Variants in CDH8 observed in about 807,000 individuals in gnomAD.
The protein encoded by CDH8 is cadherin 8, also known as cadherin-8.
A neutral mutation model predicts 68.1 loss-of-function variants in CDH8; 17 were observed. The observed-to-expected ratio is 0.25, with a 90% CI of 0.17 to 0.37. The LOEUF (loss-of-function observed/expected upper bound fraction) is 0.37, where lower values mean the gene tolerates loss of function less well. Ranked by LOEUF, CDH8 falls within the 10% of genes least tolerant of loss-of-function variation. The pLI, the probability that CDH8 is intolerant of heterozygous loss-of-function variation, is 1.00. For synonymous variants in CDH8, 372 were observed against 365.1 expected (o/e 1.02, Z -0.21); for missense variants, 763 against 999.3 (o/e 0.76, Z 3.19).
Position 61,654,049 on chromosome 16 carries a change from A to C in CDH8, c.1959T>G (p.Ile653Met), listed in dbSNP as rs571223974. The C allele has an allele frequency of 1.9e-6, 3 of 1,614,132 alleles. No homozygotes were observed. Among genetic ancestry groups the C allele is most frequent in the African/African-American group, 1.3e-5 (1 of 75,036 alleles). Residue 653 changes from isoleucine to methionine, a missense_variant, in exon 12 of 12, where the codon ATT (isoleucine) becomes ATG (methionine). Physicochemically the swap from Ile to Met is conservative, Grantham distance 10. Around this residue, in one of 2 missense-constraint regions of CDH8, gnomAD observed 397 missense variants for 436.2 expected, o/e 0.91. Transcript: ENST00000577390. The part of the protein sequence containing the change: ...TLRRHKNEPL[I>M]IKDDEDVREN... Reference sequence around the variant, plus strand: ...CTCGAACGTCTTCATCATCTTTGATAATTAATGGTTCATTTTTATGCCGCC... The same window carrying C: ...CTCGAACGTCTTCATCATCTTTGATCATTAATGGTTCATTTTTATGCCGCC...
intron 10 of CDH8, among the ~76,000 whole-genome samples, chr16:61,672,151 T>C (rs1437243175): frequency 6.6e-6 from 1 of 152,062 alleles, no homozygotes; most frequent in African/African-American, 2.4e-5. Flanking sequence ...AATGGATGTG[T>C]GGTACTTCCT....
intron 2 of CDH8, among the ~76,000 whole-genome samples, chr16:62,010,372 G>A (rs1190336657): frequency 6.6e-6 from 1 of 152,124 alleles, no homozygotes; most frequent in East Asian, 1.9e-4. Context: ...AAATGAGATC[G>A]TGTGTTGCCA....
Position 61,713,945 on chromosome 16 carries a change from A to G in CDH8, c.1550T>C (p.Val517Ala). ...GGGATCATCTTTGTCCATGGCGCTA[A>G]CAGTTTGAATGACCTGAAACATAAA... ...NGKPGQVIQT[V>A]SAMDKDDPKN... The change falls in exon 10 of 12, where the codon GTT becomes GCT. Residue 517 changes from valine (V) to alanine (A), a missense_variant. Physicochemically the swap from Val to Ala is moderately conservative, Grantham distance 64 (BLOSUM62 0). This residue lies in a region of CDH8 where 397 missense variants were observed against 436.2 expected (regional missense o/e 0.91). Coordinates refer to ENST00000577390, the MANE Select transcript of CDH8 (RefSeq NM_001796.5). 1 of 1,600,068 alleles carries G rather than the reference A, an allele frequency of 6.2e-7. No homozygotes were observed. Among genetic ancestry groups the G allele is most frequent in the East Asian group, 2.2e-5 (1 of 44,692 alleles).
intron 8 of CDH8, among the ~76,000 whole-genome samples, chr16:61,738,357 A>G (rs1384396369): frequency 1.3e-5 from 2 of 152,158 alleles, no homozygotes; most frequent in African/African-American, 2.4e-5. Context: ...GGAGTTCTGT[A>G]TAACCACTTG....
chr16:61,690,627 C>A (rs1347224653), intron 10 of CDH8, among the ~76,000 whole-genome samples: 2 of 150,914 alleles, frequency 1.3e-5, no homozygotes, highest in East Asian at 1.9e-4. Flanking sequence ...AATCTCTCAG[C>A]TTTCTGGTCT....
chr16:61,697,054 T>C (rs1265041225), intron 10 of CDH8, among the ~76,000 whole-genome samples: 1 of 152,084 alleles, frequency 6.6e-6, no homozygotes, highest in African/African-American at 2.4e-5. Flanking sequence ...AATTTACCCA[T>C]GTAAAAACAC....
At position 61,651,040 on chromosome 16, in the gene CDH8, T is replaced by C. The variant is rs1010240064; in HGVS notation, c.*2568A>G. ...AAGATTATCCTGTTGATTACCAATA[T>C]TTGAGGATACAGATTTTATACTCCT... On this transcript the variant is annotated 3_prime_UTR_variant, in exon 12 of 12. Coordinates refer to ENST00000577390, the MANE Select transcript of CDH8 (RefSeq NM_001796.5). 2.0e-5 allele frequency: 3 copies of C among 152,258 alleles called. No individual in the cohort carries two copies. Among genetic ancestry groups the C allele is most frequent in the East Asian group, 1.9e-4 (1 of 5,156 alleles). 9.4% of individuals were successfully genotyped at this position (152,258 alleles called of 1,614,324 possible).
At chr16:61,654,581 G>C (rs1963399368) in intron 11 of CDH8, among the ~76,000 whole-genome samples, 1 of 152,176 alleles carries the variant, frequency 6.6e-6, no homozygotes. Flanking sequence ...TTATAAAAAA[G>C]TGAATGTCAA....
At chr16:61,965,264 G>C (rs1965227769) in intron 2 of CDH8, among the ~76,000 whole-genome samples, 1 of 152,098 alleles carries the variant, frequency 6.6e-6, no homozygotes, top group Admixed American at 6.6e-5. Context: ...CACCTGGTTT[G>C]TTTTATTCGC....
chr16:61,974,478 C>T (rs1965401909), intron 2 of CDH8, among the ~76,000 whole-genome samples: 1 of 152,112 alleles, frequency 6.6e-6, no homozygotes, highest in Non-Finnish European at 1.5e-5. Context: ...GCCATGAAAT[C>T]CAAGACATCC....
At chr16:61,828,962 T>A (rs1319449669) in intron 4 of CDH8, among the ~76,000 whole-genome samples, 1 of 151,874 alleles carries the variant, frequency 6.6e-6, no homozygotes, top group Non-Finnish European at 1.5e-5. Context: ...TTAATGCTTA[T>A]GTTGATGGTG....
At position 61,716,207 on chromosome 16, in the gene CDH8, C is replaced by T. The variant is rs1472981885; in HGVS notation, c.1537-2249G>A. ...GTGGATAAAGCTCCCATAATTAATA[C>T]CATTCATACTATTTTCAAGTAATCT... On this transcript the variant is annotated intron_variant, in intron 9 of 11. Transcript: ENST00000577390. 3.4e-4 allele frequency among the ~76,000 whole-genome samples: 51 copies of T among 151,538 alleles called. No homozygotes were observed. In the Admixed American group the frequency reaches 3.4e-3, roughly 10 times the overall value.
chr16:61,840,751 C>T (rs1044275804), intron 4 of CDH8, among the ~76,000 whole-genome samples: 2 of 151,950 alleles, frequency 1.3e-5, no homozygotes, highest in African/African-American at 4.8e-5. Flanking sequence ...AGGGAAACAA[C>T]ACATATTGGG....
At chr16:61,842,038 C>A (rs931425723) in intron 4 of CDH8, among the ~76,000 whole-genome samples, 1 of 150,144 alleles carries the variant, frequency 6.7e-6, no homozygotes, top group Non-Finnish European at 1.5e-5. Context: ...CAGTTGCCTG[C>A]CACCACGCCC....
intron 2 of CDH8, among the ~76,000 whole-genome samples, chr16:61,944,123 T>C (rs962105910): frequency 6.6e-6 from 1 of 152,154 alleles, no homozygotes; most frequent in Non-Finnish European, 1.5e-5. Context: ...CATGGAGGCT[T>C]GGAGAGCATT....
At chr16:62,014,300 T>G (rs571659067) in intron 2 of CDH8, among the ~76,000 whole-genome samples, 1 of 152,316 alleles carries the variant, frequency 6.6e-6, no homozygotes, top group African/African-American at 2.4e-5. Context: ...AGCCAAAGAT[T>G]TCCAACAGCT....
chr16:62,028,880 T>C (rs1479772143), intron 1 of CDH8, among the ~76,000 whole-genome samples: 1 of 152,162 alleles, frequency 6.6e-6, no homozygotes, highest in Non-Finnish European at 1.5e-5. Flanking sequence ...GATCACATGT[T>C]CAGAATTTAA....
intron 4 of CDH8, among the ~76,000 whole-genome samples, chr16:61,840,918 C>T (rs1347509540): frequency 6.6e-6 from 1 of 150,470 alleles, no homozygotes; most frequent in Non-Finnish European, 1.5e-5. Context: ...TATCCCAGAA[C>T]TTAACATAAA....
chr16:62,031,716 G>A (rs1464855222), intron 1 of CDH8, among the ~76,000 whole-genome samples: 1 of 151,096 alleles, frequency 6.6e-6, no homozygotes, highest in Admixed American at 6.6e-5. Context: ...CAAGCAAGAG[G>A]ATGGATATTG....
Sources: allele counts gnomAD v4.1 joint callset (sites outside exome capture counted in the v4.1 genomes callset), GRCh38; gene constraint gnomAD v4.1.1; regional missense constraint gnomAD v4.1.1; transcripts MANE v1.5; gene names NCBI Gene and HGNC (gene_info 2026-07-23, HGNC 2026-07-21).